Variants in HMGCLL1 observed in about 807,000 individuals in gnomAD.
HMGCLL1 encodes 3-hydroxy-3-methylglutaryl-CoA lyase like 1, also known as 3-hydroxymethyl-3-methylglutaryl-CoA lyase, cytoplasmic.
Under a neutral mutation model 39.1 loss-of-function variants are expected in HMGCLL1, and 36 were observed. The ratio of observed to expected loss-of-function variants is 0.92; its 90% CI spans 0.71 to 1.22. The LOEUF (loss-of-function observed/expected upper bound fraction) is 1.22, where lower values mean the gene tolerates loss of function less well. HMGCLL1 is among the 50% of genes most tolerant of loss of function. HMGCLL1 has a pLI of 0.00. For missense variants in HMGCLL1, 451 were observed against 416.5 expected, an observed-to-expected ratio of 1.08 and a Z score of -0.72; for synonymous variants, 149 against 144.0, an observed-to-expected ratio of 1.03 and a Z score of -0.25.
chr6:55,598,044 T>C, the HMGCLL1 span, among the ~76,000 whole-genome samples: 1 of 152,016 alleles, frequency 6.6e-6, no homozygotes, highest in Non-Finnish European at 1.5e-5. Context: ...GAAGACTAGG[T>C]TTTCCACAAT....
rs145487014 is a variant in HMGCLL1, at chr6:55,573,444, T to G, written c.108+5504A>C. 4.2e-4 allele frequency among the ~76,000 whole-genome samples: 64 copies of G among 152,268 alleles called. No homozygotes were observed. In the East Asian group the frequency reaches 0.012, roughly 29 times the overall value. On this transcript the variant is annotated intron_variant, in intron 1 of 8. Transcript: ENST00000274901. ...GGATCTAAAATAATTCTAATAAGTA[T>G]TCAAGAATTTATAATATGATAGAGA...
In HMGCLL1 at chr6:55,480,710, T is replaced by C. The variant is rs138288119; in HGVS notation, c.795+14709A>G. ...ATGTTTACTGCAGCACTATTCACAA[T>C]AGCCAAGATTTGGAAGCAACCTGTG... On this transcript the variant is annotated intron_variant, in intron 7 of 8. Coordinates refer to ENST00000274901, the MANE Select transcript of HMGCLL1 (RefSeq NM_001042406.2). 7.5e-3 allele frequency among the ~76,000 whole-genome samples: 1,143 copies of C among 151,830 alleles called. 11 individuals are homozygous for C. Among genetic ancestry groups the C allele is most frequent in the Non-Finnish European group, 0.011 (770 of 68,018 alleles).
intron 7 of HMGCLL1, among the ~76,000 whole-genome samples, chr6:55,477,363 A>G (rs28480218): frequency 2.5e-5 from 1 of 40,228 alleles, no homozygotes; most frequent in Non-Finnish European, 4.2e-5. Flanking sequence ...AATATATATT[A>G]TATTAATATA....
the HMGCLL1 span, among the ~76,000 whole-genome samples, chr6:55,658,114 C>A: frequency 6.6e-6 from 1 of 151,502 alleles, no homozygotes; most frequent in Non-Finnish European, 1.5e-5. Context: ...AATAAAAATT[C>A]TAAAATTCTT....
chr6:55,671,255 A>T, the HMGCLL1 span, among the ~76,000 whole-genome samples: 1 of 151,784 alleles, frequency 6.6e-6, no homozygotes, highest in African/African-American at 2.4e-5. Flanking sequence ...TAAAGCTGAA[A>T]GTTTTCTCTG....
intron 7 of HMGCLL1, among the ~76,000 whole-genome samples, chr6:55,486,665 A>G (rs534892017): frequency 2.0e-5 from 3 of 151,992 alleles, no homozygotes; most frequent in Admixed American, 2.0e-4. Flanking sequence ...CCTTACATAC[A>G]CTCACAAGCA....
At chr6:55,645,174 A>AT in the HMGCLL1 span, among the ~76,000 whole-genome samples, 14 of 150,814 alleles carry the variant, frequency 9.3e-5, no homozygotes, top group Non-Finnish European at 1.5e-4. Flanking sequence ...TGTAAATGAG[A>AT]TTTTTTTTTA....
intron 7 of HMGCLL1, among the ~76,000 whole-genome samples, chr6:55,488,104 C>T (rs1766134735): frequency 6.6e-6 from 1 of 151,962 alleles, no homozygotes; most frequent in South Asian, 2.1e-4. Flanking sequence ...GAAAATTTTT[C>T]AATACAATGT....
the HMGCLL1 span, among the ~76,000 whole-genome samples, chr6:55,593,809 C>G: frequency 3.3e-5 from 5 of 152,058 alleles, no homozygotes; most frequent in African/African-American, 1.2e-4. Flanking sequence ...CCATTTACTC[C>G]TCATAATAAT....
At chr6:55,666,024 A>C in the HMGCLL1 span, among the ~76,000 whole-genome samples, 1 of 151,698 alleles carries the variant, frequency 6.6e-6, no homozygotes, top group African/African-American at 2.4e-5. Context: ...ACTAGAACAT[A>C]AGCTTCTGAG....
In HMGCLL1 at chr6:55,542,160, A is replaced by G. The variant is rs1230225137; in HGVS notation, c.109-20T>C. The G allele has an allele frequency of 1.3e-6, 2 of 1,523,260 alleles. No individual in the cohort carries two copies. Among genetic ancestry groups the G allele is most frequent in the Admixed American group, 1.7e-5 (1 of 57,954 alleles). The allele number at this position is 1,523,260 out of a possible 1,614,324, so 94.4% of individuals were successfully genotyped here. A position where few individuals can be genotyped will look rare whatever the true frequency, so the allele number is the denominator to read the frequency against. ...TGTTTCCTGAAATGCAAAATGTAAG[A>G]ACAAGATAACGTAACTTTTAGATTG... On this transcript the variant is annotated intron_variant, in intron 1 of 8. Coordinates refer to ENST00000274901, the MANE Select transcript of HMGCLL1 (RefSeq NM_001042406.2).
chr6:55,434,891 T>G lies in HMGCLL1; in HGVS notation c.*771A>C, dbSNP rs150600442. 1 of 138,520 alleles carries G rather than the reference T, an allele frequency of 7.2e-6. No individual in the cohort carries two copies. The allele number at this position is 138,520 out of a possible 1,614,324, so 8.6% of individuals were successfully genotyped here. ...TGATACATGTATCAACCTATTCTTA[T>G]CACTGCAATTTAGACATCAGGACAA... On this transcript the variant is annotated 3_prime_UTR_variant, in exon 9 of 9. Transcript: ENST00000274901.
intron 3 of HMGCLL1, among the ~76,000 whole-genome samples, chr6:55,528,099 C>A (rs1768418697): frequency 6.6e-6 from 1 of 151,928 alleles, no homozygotes; most frequent in African/African-American, 2.4e-5. Flanking sequence ...GCTTTCTTTG[C>A]CCCACCACCA....
chr6:55,543,436 CATATATGAT>C (rs1179040170), intron 1 of HMGCLL1, among the ~76,000 whole-genome samples: 455 of 39,600 alleles, frequency 0.011, 11 homozygotes, highest in African/African-American at 0.041. Context: ...TATCATATAT[CATATATGAT>C]ATATATGATA....
chr6:55,596,104 C>T, the HMGCLL1 span, among the ~76,000 whole-genome samples: 1 of 152,158 alleles, frequency 6.6e-6, no homozygotes, highest in African/African-American at 2.4e-5. Context: ...AGGGGTGGAT[C>T]ACTTGAGGCC....
chr6:55,565,128 T>C (rs763086792), intron 1 of HMGCLL1, among the ~76,000 whole-genome samples: 1 of 152,128 alleles, frequency 6.6e-6, no homozygotes, highest in South Asian at 2.1e-4. Flanking sequence ...AAGTTCCTAC[T>C]AGTCAATAGA....
At chr6:55,466,587 A>C (rs1037779069) in intron 7 of HMGCLL1, among the ~76,000 whole-genome samples, 5 of 152,140 alleles carry the variant, frequency 3.3e-5, no homozygotes, top group South Asian at 2.1e-4. Flanking sequence ...AAAGTATGCA[A>C]CTCAGCTGTT....
chr6:55,539,941 G>A, intron 3 of HMGCLL1, among the ~76,000 whole-genome samples: 1 of 27,276 alleles, frequency 3.7e-5, no homozygotes, highest in Non-Finnish European at 6.9e-5. Flanking sequence ...AGGAGGAGGA[G>A]AAGGAAGGAA....
chr6:55,603,239 A>G, the HMGCLL1 span, among the ~76,000 whole-genome samples: 2 of 152,118 alleles, frequency 1.3e-5, no homozygotes, highest in Admixed American at 1.3e-4. Flanking sequence ...ACATAACCTA[A>G]GAGAATATTT....
Sources: gnomAD v4.1 joint callset for allele counts (sites outside exome capture counted in the v4.1 genomes callset) on GRCh38, gnomAD v4.1.1 for gene constraint, MANE v1.5 for transcripts, NCBI Gene and HGNC (gene_info 2026-07-23, HGNC 2026-07-21) for gene names.